WNT9B: variants seen among roughly 807,000 people sequenced by gnomAD.
WNT9B encodes the protein protein Wnt-9b.
A neutral mutation model predicts 30.2 loss-of-function variants in WNT9B; 12 were observed. The ratio of observed to expected loss-of-function variants is 0.40; its 90% CI spans 0.26 to 0.64. The LOEUF is 0.64. WNT9B is among the 30% of genes least tolerant of loss of function. The probability of loss-of-function intolerance (pLI) is 0.42; values close to 1 mark genes in which losing one functional copy is unlikely to be tolerated. For missense variants in WNT9B, 442 were observed against 485.2 expected, an observed-to-expected ratio of 0.91 and a Z score of 0.84; for synonymous variants, 218 against 216.9, an observed-to-expected ratio of 1.01 and a Z score of -0.05.
chr17:46,848,661 A>G (rs891181677), upstream of WNT9B, among the ~76,000 whole-genome samples: 4 of 152,378 alleles, frequency 2.6e-5, no homozygotes, highest in South Asian at 8.3e-4. Context: ...AAGGATGTAT[A>G]ATGCAAAGGT....
intron 1 of WNT9B, among the ~76,000 whole-genome samples, chr17:46,838,618 C>T (rs976160260): frequency 6.6e-6 from 1 of 151,842 alleles, no homozygotes; most frequent in African/African-American, 2.4e-5. Flanking sequence ...CAGAGCGAGA[C>T]CCTGTCTCAA....
chr17:46,875,379 C>G lies in WNT9B; in HGVS notation c.600+13C>G, dbSNP rs1568131518. On this transcript the variant is annotated intron_variant, in intron 3 of 3. Coordinates refer to ENST00000290015, the MANE Select transcript of WNT9B (RefSeq NM_003396.3). ...CGTGGGCATCAAGGTGAGCATGTCC[C>G]TGGCTGCCCGCAGTGCCTTCCCACC... The G allele has an allele frequency of 1.3e-6, 2 of 1,581,212 alleles. No homozygotes were observed. The highest frequency in any genetic ancestry group is 2.3e-5 in the South Asian group (2 of 86,218).
At chr17:46,854,478 T>A (rs1391708477) in intron 1 of WNT9B, among the ~76,000 whole-genome samples, 2 of 152,138 alleles carry the variant, frequency 1.3e-5, no homozygotes, top group East Asian at 3.9e-4. Flanking sequence ...CCCAGAAGGA[T>A]CTCTGGTCCA....
chr17:46,851,647 C>A lies in WNT9B; in HGVS notation c.9C>A (p.Pro3=), dbSNP rs759216625. Residue 3 remains proline, a synonymous_variant, in exon 1 of 4, where the codon CCC becomes CCA. Coordinates refer to ENST00000290015, the MANE Select transcript of WNT9B (RefSeq NM_003396.3). The surrounding 1 kb of genome is among the most constrained non-coding windows in gnomAD (Gnocchi z 4.3). MR[P]PPALALAGLC... is the part of the protein sequence containing the mutation. ...GCAGCGCCGCCAGCACCATGCGCCCCCCGCCCGCGCTGGCCCTGGCCGGGC... is the reference window on the plus strand; with the variant it reads ...GCAGCGCCGCCAGCACCATGCGCCCACCGCCCGCGCTGGCCCTGGCCGGGC... 5.0e-4 allele frequency: 638 copies of A among 1,281,348 alleles called. 13 individuals carry two copies. The highest frequency in any genetic ancestry group is 4.2e-5 in the Non-Finnish European group (43 of 1,018,972). The allele number at this position is 1,281,348 out of a possible 1,614,324, so 79.4% of individuals were successfully genotyped here.
At chr17:46,842,544 A>AT (rs1406998379) in intron 1 of WNT9B, among the ~76,000 whole-genome samples, 7 of 151,602 alleles carry the variant, frequency 4.6e-5, no homozygotes, top group African/African-American at 9.7e-5. Flanking sequence ...CCAGCTATTA[A>AT]TTTTTTTTGT....
intron 1 of WNT9B, among the ~76,000 whole-genome samples, chr17:46,867,207 C>G (rs926021825): frequency 6.6e-6 from 1 of 152,202 alleles, no homozygotes; most frequent in African/African-American, 2.4e-5. Flanking sequence ...AGGGCAGGAC[C>G]GTGTCCCAGC....
At chr17:46,836,845 G>T (rs1355983537) in intron 1 of WNT9B, among the ~76,000 whole-genome samples, 2 of 152,244 alleles carry the variant, frequency 1.3e-5, no homozygotes, top group African/African-American at 4.8e-5. Context: ...AAAGCTAGAT[G>T]TGTGAATAAA....
intron 1 of WNT9B, among the ~76,000 whole-genome samples, chr17:46,870,009 G>C (rs1169228032): frequency 6.6e-6 from 1 of 151,944 alleles, no homozygotes; most frequent in Non-Finnish European, 1.5e-5. Context: ...AAAAAAAAAT[G>C]TTATATATCA....
At chr17:46,874,685 C>G (rs962995092) in intron 2 of WNT9B, among the ~76,000 whole-genome samples, 2 of 152,214 alleles carry the variant, frequency 1.3e-5, no homozygotes, top group Admixed American at 1.3e-4. Flanking sequence ...TCAAGTGATT[C>G]TCCTGCCTCA....
At chr17:46,868,325 C>T (rs960298791) in intron 1 of WNT9B, among the ~76,000 whole-genome samples, 4 of 152,238 alleles carry the variant, frequency 2.6e-5, no homozygotes, top group Admixed American at 6.5e-5. Flanking sequence ...GGCGTGGTGG[C>T]TCATGCCTGT....
chr17:46,859,359 T>C (rs918384625), intron 1 of WNT9B, among the ~76,000 whole-genome samples: 1 of 152,202 alleles, frequency 6.6e-6, no homozygotes, highest in Non-Finnish European at 1.5e-5. Context: ...AGCTTATTAT[T>C]TTGCATATGA....
At chr17:46,854,846 G>A (rs1317517057) in intron 1 of WNT9B, among the ~76,000 whole-genome samples, 1 of 152,020 alleles carries the variant, frequency 6.6e-6, no homozygotes, top group African/African-American at 2.4e-5. Context: ...TTTTAATAGA[G>A]ATGGGGTTTC....
chr17:46,845,266 G>A lies in WNT9B; in HGVS notation c.95+11826G>A, dbSNP rs1029528881. Among the ~76,000 whole-genome samples the A allele has an allele frequency of 9.2e-5, 14 of 152,196 alleles. No individual in the cohort carries two copies. In the East Asian group the frequency reaches 2.5e-3, roughly 27 times the overall value. On this transcript the variant is annotated intron_variant, in intron 1 of 2. Transcript: ENST00000575372. Reference sequence around the variant, plus strand: ...GTGCTTTGCCCATAGGGGACTTCACGGTGGTTGAAGACAGAATGCCCTGCT... The same window carrying A: ...GTGCTTTGCCCATAGGGGACTTCACAGTGGTTGAAGACAGAATGCCCTGCT...
rs2085394944 is a variant in WNT9B at position 46,879,458 on chromosome 17, A to G, written c.*2740A>G. Among the ~76,000 whole-genome samples, 1 of 152,086 alleles carries G rather than the reference A, an allele frequency of 6.6e-6. No homozygotes were observed. ...TCTTCTGCTCTGGCAAAAGTGTCTTACTCATAATGATAATGACAACGAGAA... is the reference window on the plus strand; with the variant it reads ...TCTTCTGCTCTGGCAAAAGTGTCTTGCTCATAATGATAATGACAACGAGAA... On this transcript the variant is annotated 3_prime_UTR_variant, in exon 4 of 4. Coordinates refer to ENST00000290015, the MANE Select transcript of WNT9B (RefSeq NM_003396.3).
At chr17:46,881,944 T>G (rs939298639), downstream of WNT9B, among the ~76,000 whole-genome samples, 2 of 152,194 alleles carry the variant, frequency 1.3e-5, no homozygotes, top group Non-Finnish European at 2.9e-5. Context: ...AAAAATTATC[T>G]ACTACATAGT....
intron 1 of WNT9B, among the ~76,000 whole-genome samples, chr17:46,844,444 G>A (rs772625401): frequency 4.6e-5 from 7 of 151,636 alleles, no homozygotes; most frequent in Non-Finnish European, 1.0e-4. Flanking sequence ...TCAGGAAAAC[G>A]TGCTATGGTC....
downstream of WNT9B, among the ~76,000 whole-genome samples, chr17:46,883,139 C>A (rs565929491): frequency 5.9e-5 from 9 of 151,980 alleles, no homozygotes; most frequent in South Asian, 1.9e-3. Flanking sequence ...CCACCACGCC[C>A]GGCTAATTTT....
At chr17:46,833,445 G>A in intron 1 of WNT9B, 1 of 512,324 alleles carries the variant, frequency 2.0e-6, no homozygotes, top group South Asian at 1.4e-5. Flanking sequence ...CAGAAGGTGA[G>A]TGTTAGGGAG....
At chr17:46,842,763 G>A (rs1002736973) in intron 1 of WNT9B, among the ~76,000 whole-genome samples, 2 of 152,308 alleles carry the variant, frequency 1.3e-5, no homozygotes, top group South Asian at 2.1e-4. Flanking sequence ...TGCTCAAAAC[G>A]TAGCTGTGGA....
Sources: allele counts gnomAD v4.1 joint callset (sites outside exome capture counted in the v4.1 genomes callset), GRCh38; gene constraint gnomAD v4.1.1; non-coding constraint Gnocchi (gnomAD v3.1); transcripts MANE v1.5; gene names NCBI Gene and HGNC (gene_info 2026-07-23, HGNC 2026-07-21).